APCDD1L: variants seen among roughly 807,000 people sequenced by gnomAD.
APCDD1L encodes the protein APC down-regulated 1 like.
In APCDD1L, 21 loss-of-function variants were observed where a neutral mutation model predicts 24.2. The ratio of observed to expected loss-of-function variants is 0.87; its 90% CI spans 0.61 to 1.25. The LOEUF is 1.25. Ranked by LOEUF, APCDD1L falls within the 50% of genes most tolerant of loss-of-function variation. The pLI is 0.00. For missense variants in APCDD1L, 704 were observed against 711.7 expected (o/e 0.99, Z 0.12); for synonymous variants, 321 against 323.6 (o/e 0.99, Z 0.09).
Position 58,460,422 on chromosome 20 carries a change from A to C in APCDD1L, c.*368T>G. 2 of 183,366 alleles carry C rather than the reference A, an allele frequency of 1.1e-5. No homozygotes were observed. The highest frequency in any genetic ancestry group is 2.3e-5 in the Non-Finnish European group (2 of 88,440). The allele number at this position is 183,366 out of a possible 1,614,324, so 11.4% of individuals were successfully genotyped here. A position where few individuals can be genotyped will look rare whatever the true frequency, so the allele number is the denominator to read the frequency against. ...TGGAATCCCAAGGGTCAGGATGGGA[A>C]GAACTGGGGGGAACATGGGATGGGG... On this transcript the variant is annotated 3_prime_UTR_variant, in exon 4 of 4. Coordinates refer to ENST00000371149, the MANE Select transcript of APCDD1L (RefSeq NM_153360.3). The surrounding 1 kb of genome is among the most constrained non-coding windows in gnomAD (Gnocchi z 4.2).
chr20:58,495,263 C>G (rs1480423882), intron 1 of APCDD1L, among the ~76,000 whole-genome samples: 1 of 152,186 alleles, frequency 6.6e-6, no homozygotes, highest in Non-Finnish European at 1.5e-5. Context: ...TACACGGCCC[C>G]TTGTTCAAAA....
intron 1 of APCDD1L, among the ~76,000 whole-genome samples, chr20:58,504,311 T>C (rs753269296): frequency 3.3e-5 from 5 of 152,144 alleles, no homozygotes; most frequent in Non-Finnish European, 7.4e-5. Context: ...GAGACAACCA[T>C]GTGAACAGAC....
intron 1 of APCDD1L, among the ~76,000 whole-genome samples, chr20:58,480,733 T>C (rs563733009): frequency 9.2e-5 from 14 of 152,278 alleles, no homozygotes; most frequent in African/African-American, 2.9e-4. Flanking sequence ...AAGCTAGGTT[T>C]TTCTGTTTGT....
intron 1 of APCDD1L, among the ~76,000 whole-genome samples, chr20:58,495,814 C>T (rs970767769): frequency 1.3e-5 from 2 of 152,158 alleles, no homozygotes; most frequent in African/African-American, 4.8e-5. Context: ...CTGCGCCCGG[C>T]ACCTGGCTGG....
At chr20:58,510,897 C>A (rs147468222) in intron 1 of APCDD1L, among the ~76,000 whole-genome samples, 14 of 152,330 alleles carry the variant, frequency 9.2e-5, no homozygotes, top group African/African-American at 3.1e-4. Flanking sequence ...CAAAAGGAGA[C>A]AGATGCTAAG....
At chr20:58,463,649 C>T (rs1989655504) in intron 3 of APCDD1L, among the ~76,000 whole-genome samples, 1 of 152,150 alleles carries the variant, frequency 6.6e-6, no homozygotes. Flanking sequence ...GATGTGAGAA[C>T]AAGCAAACAT....
At chr20:58,466,266 A>G (rs1463267631) in intron 3 of APCDD1L, among the ~76,000 whole-genome samples, 1 of 152,142 alleles carries the variant, frequency 6.6e-6, no homozygotes, top group Non-Finnish European at 1.5e-5. Context: ...GAACATGCTA[A>G]AGAGAGGGTG....
At chr20:58,496,356 G>A (rs1990321354) in intron 1 of APCDD1L, among the ~76,000 whole-genome samples, 1 of 152,264 alleles carries the variant, frequency 6.6e-6, no homozygotes, top group South Asian at 2.1e-4. Context: ...TGCCAGCCTG[G>A]GGCAGGGTTG....
Position 58,508,325 on chromosome 20 carries a change from G to A in APCDD1L, c.49+6334C>T, listed in dbSNP as rs1406340929. On this transcript the variant is annotated intron_variant, in intron 1 of 3. Coordinates refer to ENST00000371149, the MANE Select transcript of APCDD1L (RefSeq NM_153360.3). The surrounding 1 kb of genome is among the most constrained non-coding windows in gnomAD (Gnocchi z 4.0). ...CCCTAAGAAGAAAGAGAGGTTATCT[G>A]TGAAGTGTGTGGAGATGACTGTCAC... 1.3e-5 allele frequency among the ~76,000 whole-genome samples: 2 copies of A among 152,224 alleles called. No individual in the cohort carries two copies. Among genetic ancestry groups the A allele is most frequent in the Non-Finnish European group, 2.9e-5 (2 of 68,032 alleles).
In APCDD1L at chr20:58,467,647, C is replaced by T. The variant is rs1482097793; in HGVS notation, c.200G>A (p.Arg67His). Residue 67 changes from arginine to histidine, a missense_variant, in exon 3 of 4, where the codon CGC becomes CAC. Physicochemically the swap from Arg to His is conservative, Grantham distance 29. Coordinates refer to ENST00000371149, the MANE Select transcript of APCDD1L (RefSeq NM_153360.3). The surrounding 1 kb of genome is among the most constrained non-coding windows in gnomAD (Gnocchi z 5.9). ...GPWISTGCEV[R>H]PGPEFLTRAY... is the part of the protein sequence containing the mutation. ...GCGGGTCAGGAACTCCGGTCCTGGG[C>T]GCACCTCGCAGCTGCAGGGGTGGAA... 3.3e-6 allele frequency: 5 copies of T among 1,497,612 alleles called. No homozygotes were observed. Among genetic ancestry groups the T allele is most frequent in the African/African-American group, 1.4e-5 (1 of 69,672 alleles). The allele number at this position is 1,497,612 out of a possible 1,614,324, so 92.8% of individuals were successfully genotyped here. A position where few individuals can be genotyped will look rare whatever the true frequency, so the allele number is the denominator to read the frequency against.
chr20:58,489,892 T>A (rs1990192738), intron 1 of APCDD1L, among the ~76,000 whole-genome samples: 1 of 152,078 alleles, frequency 6.6e-6, no homozygotes, highest in Admixed American at 6.6e-5. Flanking sequence ...ACAATTGGCA[T>A]AAAAATAAAT....
chr20:58,461,331 G>A lies in APCDD1L; in HGVS notation c.965C>T (p.Ala322Val), dbSNP rs746319849. Residue 322 changes from alanine (A) to valine (V), a missense_variant, in exon 4 of 4, where the codon GCC (alanine) becomes GTC (valine). Physicochemically the swap from Ala to Val is moderately conservative, Grantham distance 64. Coordinates refer to ENST00000371149, the MANE Select transcript of APCDD1L (RefSeq NM_153360.3). This position sits in a 1 kb window ranked among gnomAD's most constrained non-coding sequence, Gnocchi z 6.0. ...CACGGTGAAGGTGGGCTGCCGGCAGGCTGGGTCTGAGAAGTGGTGGTAATA... is the reference window on the plus strand; with the variant it reads ...CACGGTGAAGGTGGGCTGCCGGCAGACTGGGTCTGAGAAGTGGTGGTAATA... Reference protein sequence around the residue: ...EGYYHHFSDPACRQPTFTVYA... With the variant: ...EGYYHHFSDPVCRQPTFTVYA... The A allele has an allele frequency of 1.2e-6, 2 of 1,601,558 alleles. No individual in the cohort carries two copies. The highest frequency in any genetic ancestry group is 2.2e-5 in the South Asian group (2 of 90,102).
At chr20:58,472,146 G>A (rs561521783) in intron 1 of APCDD1L, among the ~76,000 whole-genome samples, 319 of 152,322 alleles carry the variant, frequency 2.1e-3, no homozygotes, top group African/African-American at 7.3e-3. Flanking sequence ...GGATTCCTCA[G>A]TTCCCTTGAG....
chr20:58,476,182 A>G (rs1002091988), intron 1 of APCDD1L, among the ~76,000 whole-genome samples: 3 of 151,788 alleles, frequency 2.0e-5, no homozygotes, highest in African/African-American at 7.3e-5. Flanking sequence ...CAACACAAAC[A>G]CTTATTTTTA....
At chr20:58,466,729 G>C (rs1011177572) in intron 3 of APCDD1L, among the ~76,000 whole-genome samples, 6 of 152,188 alleles carry the variant, frequency 3.9e-5, no homozygotes, top group African/African-American at 1.4e-4. Flanking sequence ...AACGGGGAAC[G>C]GTAGAATGGG....
rs182409903 is a variant in APCDD1L, at chr20:58,509,330, A to G, written c.49+5329T>C. ...TCCTTCTCGTTTCCCTGATGATGAA[A>G]CTGAAGACGACACTATGATATCAAT... On this transcript the variant is annotated intron_variant, in intron 1 of 3. Transcript: ENST00000371149. Among the ~76,000 whole-genome samples the G allele has an allele frequency of 3.3e-3, 508 of 152,122 alleles. 6 individuals are homozygous for G. The highest frequency in any genetic ancestry group is 0.012 in the African/African-American group (489 of 41,480).
chr20:58,500,200 G>A (rs1284257782), intron 1 of APCDD1L, among the ~76,000 whole-genome samples: 1 of 152,096 alleles, frequency 6.6e-6, no homozygotes, highest in African/African-American at 2.4e-5. Flanking sequence ...TGAATTTAAA[G>A]CACTCTGTTT....
intron 1 of APCDD1L, among the ~76,000 whole-genome samples, chr20:58,483,002 C>G (rs1027431870): frequency 2.0e-5 from 3 of 152,150 alleles, no homozygotes; most frequent in African/African-American, 7.2e-5. Context: ...TTATTCTGCC[C>G]AGTACTGGTC....
At chr20:58,463,186 A>G (rs1025922633) in intron 3 of APCDD1L, among the ~76,000 whole-genome samples, 1 of 149,874 alleles carries the variant, frequency 6.7e-6, no homozygotes, top group Non-Finnish European at 1.5e-5. Context: ...TTGGAAGCCC[A>G]TTGCTTAAGT....
Sources: gnomAD v4.1 joint callset for allele counts (sites outside exome capture counted in the v4.1 genomes callset) on GRCh38, gnomAD v4.1.1 for gene constraint, Gnocchi (gnomAD v3.1) non-coding constraint, MANE v1.5 for transcripts, NCBI Gene and HGNC (gene_info 2026-07-23, HGNC 2026-07-21) for gene names.